AFG1L: variants seen among roughly 807,000 people sequenced by gnomAD.
The protein encoded by AFG1L is AFG1 like ATPase.
A neutral mutation model predicts 62.2 loss-of-function variants in AFG1L; 53 were observed. That is an observed-to-expected ratio of 0.85 (90% CI 0.68 to 1.07). AFG1L has a LOEUF of 1.07. Among genes scored for constraint, AFG1L ranks in the 50% least tolerant of loss-of-function variants. The pLI is 0.00. For missense variants in AFG1L, 555 were observed against 590.5 expected, an observed-to-expected ratio of 0.94 and a Z score of 0.62; for synonymous variants, 228 against 210.3, an observed-to-expected ratio of 1.08 and a Z score of -0.73.
chr6:108,420,412 TA>T (rs144048678), intron 7 of AFG1L, among the ~76,000 whole-genome samples: 6 of 148,016 alleles, frequency 4.1e-5, no homozygotes, highest in Non-Finnish European at 8.9e-5. Context: ...TTTATTTTAT[TA>T]AAAAATAAAA....
chr6:108,417,367 G>A (rs1467648755), intron 7 of AFG1L, among the ~76,000 whole-genome samples: 1 of 151,870 alleles, frequency 6.6e-6, no homozygotes, highest in Non-Finnish European at 1.5e-5. Context: ...GGTAGCACAT[G>A]TCAGGAGTAT....
At chr6:108,382,219 C>T (rs938210931) in intron 6 of AFG1L, among the ~76,000 whole-genome samples, 3 of 152,014 alleles carry the variant, frequency 2.0e-5, no homozygotes, top group Admixed American at 6.6e-5. Flanking sequence ...AAGCTGGTCT[C>T]GAACTCCCGA....
chr6:108,481,672 T>C (rs765327137), intron 10 of AFG1L, among the ~76,000 whole-genome samples: 7 of 152,236 alleles, frequency 4.6e-5, no homozygotes, highest in Non-Finnish European at 7.3e-5. Flanking sequence ...TTTTGTTAAA[T>C]CTCAACTTTG....
intron 10 of AFG1L, among the ~76,000 whole-genome samples, chr6:108,491,841 A>G (rs1773788547): frequency 6.6e-6 from 1 of 152,232 alleles, no homozygotes; most frequent in Non-Finnish European, 1.5e-5. Context: ...TTTGGAAAGC[A>G]GAAGAGTGGG....
At chr6:108,446,409 G>T (rs891138493) in intron 7 of AFG1L, among the ~76,000 whole-genome samples, 2 of 151,972 alleles carry the variant, frequency 1.3e-5, no homozygotes, top group African/African-American at 4.8e-5. Flanking sequence ...AGCGAAGGAT[G>T]GGCATACCTA....
At chr6:108,300,675 CTTT>C (rs397965721) in intron 1 of AFG1L, among the ~76,000 whole-genome samples, 3 of 141,428 alleles carry the variant, frequency 2.1e-5, no homozygotes, top group African/African-American at 2.6e-5. Context: ...TTTGAACTTA[CTTT>C]TTTTTTTTTT....
chr6:108,331,551 G>A (rs1778278845), intron 2 of AFG1L, among the ~76,000 whole-genome samples: 1 of 152,120 alleles, frequency 6.6e-6, no homozygotes, highest in African/African-American at 2.4e-5. Context: ...AGATGACCAT[G>A]CCATATGAGC....
At chr6:108,326,176 T>G (rs1299542907) in intron 2 of AFG1L, among the ~76,000 whole-genome samples, 1 of 152,116 alleles carries the variant, frequency 6.6e-6, no homozygotes, top group African/African-American at 2.4e-5. Flanking sequence ...GCCCAAGTGA[T>G]TCTCCTCCCG....
intron 5 of AFG1L, among the ~76,000 whole-genome samples, 159 bp from the exon 6 acceptor site, chr6:108,366,074 A>C (rs1490727499): frequency 1.3e-5 from 2 of 152,174 alleles, no homozygotes; most frequent in Non-Finnish European, 2.9e-5. Context: ...ACTGCTATAC[A>C]GTGTTTCATG....
chr6:108,339,351 G>A (rs1778591516), intron 2 of AFG1L, among the ~76,000 whole-genome samples: 1 of 152,012 alleles, frequency 6.6e-6, no homozygotes. Flanking sequence ...TGTTGGCCAG[G>A]GTGGTCTCAA....
chr6:108,400,851 A>ATATATATAATATATAAAATATATATT (rs1562135054), intron 6 of AFG1L, among the ~76,000 whole-genome samples: 6 of 126,110 alleles, frequency 4.8e-5, no homozygotes, highest in Non-Finnish European at 7.9e-5. Flanking sequence ...TATAATGCAA[A>ATATATATAATATATAAAATATATATT]TATATATAAT....
chr6:108,451,030 CT>C, intron 8 of AFG1L, among the ~76,000 whole-genome samples: 1 of 152,040 alleles, frequency 6.6e-6, no homozygotes, highest in African/African-American at 2.4e-5. Flanking sequence ...GCGTGTGTTT[CT>C]GTTTATTACC....
chr6:108,439,890 T>A (rs1267003349), intron 7 of AFG1L, among the ~76,000 whole-genome samples: 1 of 152,146 alleles, frequency 6.6e-6, no homozygotes, highest in East Asian at 1.9e-4. Flanking sequence ...ACCCTTAAAT[T>A]GTATTCTTAG....
At chr6:108,306,443 A>T (rs1777200944) in intron 1 of AFG1L, among the ~76,000 whole-genome samples, 1 of 152,170 alleles carries the variant, frequency 6.6e-6, no homozygotes, top group African/African-American at 2.4e-5. Flanking sequence ...AAACACTAAT[A>T]CTGATTCCAT....
intron 11 of AFG1L, among the ~76,000 whole-genome samples, chr6:108,513,766 A>G (rs1406543771): frequency 6.6e-6 from 1 of 152,186 alleles, no homozygotes; most frequent in Admixed American, 6.5e-5. Flanking sequence ...AAGAGAGTAG[A>G]GGTTCTTCCA....
rs764030226 is a variant in AFG1L at position 108,374,283 on chromosome 6, G to A, written c.748+7951G>A. ...TGCAAATATTTTATCCCTTTCTGTA[G>A]GTTGTCTCTTTACTCTGTGGATAGT... On this transcript the variant is annotated intron_variant, in intron 6 of 12. Coordinates refer to ENST00000368977, the MANE Select transcript of AFG1L (RefSeq NM_145315.5). Among the ~76,000 whole-genome samples, 32 of 152,266 alleles carry A rather than the reference G, an allele frequency of 2.1e-4. 1 individual carries two copies. The Middle Eastern group carries it at 0.024, about 113-fold the overall frequency.
At chr6:108,368,689 CAAGCTATGCTCGTAAA>C (rs1779862263) in intron 6 of AFG1L, among the ~76,000 whole-genome samples, 1 of 152,262 alleles carries the variant, frequency 6.6e-6, no homozygotes, top group South Asian at 2.1e-4. Flanking sequence ...CATTCAGTGA[CAAGCTATGCTCGTAAA>C]TAGCAAAGAG....
At chr6:108,295,437 C>T (rs1293897253) in intron 1 of AFG1L, among the ~76,000 whole-genome samples, 1 of 152,154 alleles carries the variant, frequency 6.6e-6, no homozygotes, top group Non-Finnish European at 1.5e-5. Flanking sequence ...TTTTGAGGGT[C>T]AGAGGTTGAC....
intron 7 of AFG1L, among the ~76,000 whole-genome samples, chr6:108,417,961 G>A (rs1012405608): frequency 6.6e-6 from 1 of 152,118 alleles, no homozygotes; most frequent in South Asian, 2.1e-4. Flanking sequence ...AGCCTCCCGG[G>A]TAGCTGGGAC....
Sources: gnomAD v4.1 joint callset for allele counts (sites outside exome capture counted in the v4.1 genomes callset) on GRCh38, gnomAD v4.1.1 for gene constraint, MANE v1.5 for transcripts, NCBI Gene and HGNC (gene_info 2026-07-23, HGNC 2026-07-21) for gene names.